ARAP2: variants seen among roughly 807,000 people sequenced by gnomAD.
The protein encoded by ARAP2 is arf-GAP with Rho-GAP domain, ANK repeat and PH domain-containing protein 2.
In ARAP2, 148 loss-of-function variants were observed where a neutral mutation model predicts 194.5. The observed-to-expected ratio is 0.76, with a 90% confidence interval of 0.67 to 0.87. The LOEUF is 0.87. Among genes scored for constraint, ARAP2 ranks in the 40% least tolerant of loss-of-function variants. The pLI is 0.00. For synonymous variants in ARAP2, 695 were observed against 683.5 expected (o/e 1.02, Z -0.26); for missense variants, 2,128 against 1,989.7 (o/e 1.07, Z -1.32).
chr4:36,160,982 G>C (rs1733772313), intron 12 of ARAP2, among the ~76,000 whole-genome samples: 2 of 152,140 alleles, frequency 1.3e-5, no homozygotes, highest in Admixed American at 1.3e-4. Context: ...TGAAGTGCTT[G>C]GTGGTGGAAC....
intron 2 of ARAP2, among the ~76,000 whole-genome samples, chr4:36,215,126 G>A (rs1747635516): frequency 6.6e-6 from 1 of 151,962 alleles, no homozygotes; most frequent in Non-Finnish European, 1.5e-5. Context: ...TCTAAAAAAT[G>A]GAAAAATAAC....
chr4:36,209,250 A>G, intron 6 of ARAP2: 2 of 327,136 alleles, frequency 6.1e-6, no homozygotes, highest in Non-Finnish European at 1.2e-5. Context: ...TTTAGACCTG[A>G]GCACTGATCC....
At chr4:36,209,394 G>A (rs748371911) in intron 6 of ARAP2, 17 of 453,186 alleles carry the variant, frequency 3.8e-5, no homozygotes, top group South Asian at 2.7e-4. Context: ...ATCTGCTTTG[G>A]TTTATTCAAA....
intron 28 of ARAP2, among the ~76,000 whole-genome samples, chr4:36,084,089 G>A (rs979154151): frequency 2.6e-5 from 4 of 152,066 alleles, no homozygotes; most frequent in African/African-American, 9.7e-5. Context: ...ATTGAAGGCT[G>A]CACTGTTGGC....
At position 36,114,037 on chromosome 4, in the gene ARAP2, T is replaced by C. The variant is rs549095976; in HGVS notation, c.4156+133A>G. 3.6e-5 allele frequency: 25 copies of C among 697,334 alleles called. 1 individual carries two copies. In the East Asian group the frequency reaches 5.7e-4, roughly 16 times the overall value. The allele number at this position is 697,334 out of a possible 1,614,324, so 43.2% of individuals were successfully genotyped here. On this transcript the variant is annotated intron_variant, in intron 26 of 32. Transcript: ENST00000303965. The stretch of plus-strand genomic sequence containing the variant: ...TCATAAAAAGGCAACCTCAAACATA[T>C]ATTAATACATGCACTAAGGTAAAAA...
intron 19 of ARAP2, among the ~76,000 whole-genome samples, chr4:36,145,810 T>C (rs768691242): frequency 3.9e-5 from 6 of 151,962 alleles, no homozygotes; most frequent in Non-Finnish European, 8.8e-5. Flanking sequence ...TCCGGCTATG[T>C]CTTCAACTCT....
At chr4:36,162,601 T>C (rs1209942554) in intron 11 of ARAP2, among the ~76,000 whole-genome samples, 3 of 56,880 alleles carry the variant, frequency 5.3e-5, no homozygotes, top group Admixed American at 3.9e-4. Context: ...AAGAAGTTCT[T>C]GTCTTTTTTT....
intron 22 of ARAP2, 125 bp from the exon 23 acceptor site, chr4:36,121,451 G>A: frequency 3.6e-6 from 3 of 841,880 alleles, no homozygotes; most frequent in South Asian, 4.9e-5. Context: ...AGATACAGTG[G>A]TGACTTAAAA....
rs1283856714 is a variant in ARAP2, at chr4:36,107,585, T to C, written c.4265A>G (p.Asp1422Gly). 4 of 1,610,022 alleles carry C rather than the reference T, an allele frequency of 2.5e-6. No homozygotes were observed. The African/African-American group carries it at 5.4e-5, about 22-fold the overall frequency. Reference sequence around the variant, plus strand: ...CCTACCACTGCAGTGTTTAATTGTGTCAGCGGTTAAGAATCTCTTCACCAC... The same window carrying C: ...CCTACCACTGCAGTGTTTAATTGTGCCAGCGGTTAAGAATCTCTTCACCAC... ...YLVVKRFLTA[D>G]TIKHCSDRST... The change falls in exon 27 of 33, where the codon GAC becomes GGC. Residue 1422 changes from aspartate (D) to glycine (G), a missense_variant. Physicochemically the swap from Asp to Gly is moderately conservative, Grantham distance 94. Coordinates refer to ENST00000303965, the MANE Select transcript of ARAP2 (RefSeq NM_015230.4).
At chr4:36,187,738 A>C (rs1029107682) in intron 7 of ARAP2, among the ~76,000 whole-genome samples, 167 bp from the exon 8 acceptor site, 7 of 152,216 alleles carry the variant, frequency 4.6e-5, no homozygotes. Context: ...GTAATACCCT[A>C]GAAAAGAAAC....
At chr4:36,070,345 C>T (rs532758172) in intron 32 of ARAP2, among the ~76,000 whole-genome samples, 15 of 152,274 alleles carry the variant, frequency 9.9e-5, no homozygotes, top group Admixed American at 5.2e-4. Flanking sequence ...AGTTTATACA[C>T]TGTACTGTCC....
chr4:36,223,939 T>C (rs537982541), intron 2 of ARAP2, among the ~76,000 whole-genome samples: 114 of 152,252 alleles, frequency 7.5e-4, no homozygotes, highest in African/African-American at 2.7e-3. Flanking sequence ...CAAAGACAAC[T>C]ATCATTGGTA....
chr4:36,114,305 T>C lies in ARAP2; in HGVS notation c.4039-18A>G. ...GGAGATATCTGTAAGAGAAGTAATA[T>C]TTTTTCAAAAAACGTGTTAGACACA... On this transcript the variant is annotated intron_variant, in intron 25 of 32. Transcript: ENST00000303965. 2.6e-6 allele frequency: 4 copies of C among 1,510,300 alleles called. No individual in the cohort carries two copies. The highest frequency in any genetic ancestry group is 1.2e-5 in the South Asian group (1 of 84,342). The allele number at this position is 1,510,300 out of a possible 1,614,324, so 93.6% of individuals were successfully genotyped here. A position where few individuals can be genotyped will look rare whatever the true frequency, so the allele number is the denominator to read the frequency against.
rs533854451 is a variant in ARAP2 at position 36,034,290 on chromosome 4, C to T, written n.607+11689G>A. On this transcript the variant is annotated intron_variant and non_coding_transcript_variant, in intron 5 of 12. Coordinates refer to the ARAP2 transcript ENST00000503225. The stretch of plus-strand genomic sequence containing the variant: ...CTATAACTGAGCATGAAAATATTTT[C>T]CATATGTTTGTGTCTTCTCTGATTC... Among the ~76,000 whole-genome samples the T allele has an allele frequency of 5.9e-5, 9 of 152,194 alleles. No homozygotes were observed. In the South Asian group the frequency reaches 1.9e-3, roughly 32 times the overall value.
intron 19 of ARAP2, among the ~76,000 whole-genome samples, chr4:36,145,617 C>G (rs1008831617): frequency 5.3e-5 from 8 of 151,926 alleles, no homozygotes; most frequent in African/African-American, 1.4e-4. Flanking sequence ...ATCCCAAACC[C>G]TAGCACTACA....
At chr4:36,210,230 GCA>G (rs1436617692) in intron 6 of ARAP2, among the ~76,000 whole-genome samples, 158 bp downstream of exon 6, 33 of 152,116 alleles carry the variant, frequency 2.2e-4, no homozygotes, top group Non-Finnish European at 5.9e-5. Context: ...CTAAAGAATA[GCA>G]CTGGCAAAAG....
In ARAP2 at chr4:36,150,984, T is replaced by A. The variant is rs148911614; in HGVS notation, c.2813A>T (p.Lys938Met). The part of the protein sequence containing the change: ...GGFLSYYEND[K>M]STTPNGTINI... ...AATGGTGCCATTAGGTGTGGTAGACTTATCATTTTCATAGTAACTCAAGAA... is the reference window on the plus strand; with the variant it reads ...AATGGTGCCATTAGGTGTGGTAGACATATCATTTTCATAGTAACTCAAGAA... Residue 938 changes from lysine (K) to methionine (M), a missense_variant, in exon 16 of 33, where the codon AAG becomes ATG. Transcript: ENST00000303965. The A allele has an allele frequency of 1.5e-5, 24 of 1,612,286 alleles. No individual in the cohort carries two copies. The highest frequency in any genetic ancestry group is 1.9e-5 in the Non-Finnish European group (22 of 1,179,226).
intron 31 of ARAP2, among the ~76,000 whole-genome samples, chr4:36,078,034 A>G (rs1728648486): frequency 6.6e-6 from 1 of 152,142 alleles, no homozygotes; most frequent in Non-Finnish European, 1.5e-5. Flanking sequence ...CTTACCTGCC[A>G]TATTTTATGA....
chr4:36,091,503 T>C (rs1026482957), intron 28 of ARAP2, among the ~76,000 whole-genome samples: 4 of 152,206 alleles, frequency 2.6e-5, no homozygotes, highest in African/African-American at 9.6e-5. Context: ...ATTTTAACTT[T>C]TGGGTTTGGT....
Sources: gnomAD v4.1 joint callset for allele counts (sites outside exome capture counted in the v4.1 genomes callset) on GRCh38, gnomAD v4.1.1 for gene constraint, MANE v1.5 for transcripts, NCBI Gene and HGNC (gene_info 2026-07-23, HGNC 2026-07-21) for gene names.